The following CNOT6 variants were observed in gnomAD, a reference collection of about 807,000 sequenced individuals.
The protein encoded by CNOT6 is carbon catabolite repression 4 protein.
Under a neutral mutation model 61.2 loss-of-function variants are expected in CNOT6, and 12 were observed. That is an observed-to-expected ratio of 0.20 (90% CI 0.13 to 0.32). The LOEUF is 0.32. Among genes scored for constraint, CNOT6 ranks in the 10% least tolerant of loss-of-function variants. CNOT6 has a pLI of 1.00. For missense variants in CNOT6, 405 were observed against 663.9 expected (o/e 0.61, Z 4.28); for synonymous variants, 225 against 240.6 (o/e 0.94, Z 0.60).
At chr5:180,530,740 G>A (rs1758317805) in intron 2 of CNOT6, among the ~76,000 whole-genome samples, 1 of 152,330 alleles carries the variant, frequency 6.6e-6, no homozygotes, top group East Asian at 1.9e-4. Flanking sequence ...GTGTCCCTGG[G>A]TAGTTGAGAT....
chr5:180,560,246 A>G (rs1007257743), intron 4 of CNOT6, among the ~76,000 whole-genome samples: 1 of 152,070 alleles, frequency 6.6e-6, no homozygotes, highest in Non-Finnish European at 1.5e-5. Flanking sequence ...TATTGGGCCA[A>G]AATTTTTTAA....
At chr5:180,554,654 G>A (rs1361604238) in intron 4 of CNOT6, among the ~76,000 whole-genome samples, 1 of 152,138 alleles carries the variant, frequency 6.6e-6, no homozygotes, top group Non-Finnish European at 1.5e-5. Context: ...ATAAAGGCCA[G>A]TGAAATGCAA....
intron 1 of CNOT6, among the ~76,000 whole-genome samples, chr5:180,523,850 C>T (rs1224881177): frequency 1.3e-5 from 2 of 152,084 alleles, no homozygotes; most frequent in African/African-American, 4.8e-5. Flanking sequence ...TTTAAATGTT[C>T]CTGGATAGTC....
chr5:180,565,036 C>T (rs1465041681), intron 6 of CNOT6, among the ~76,000 whole-genome samples: 1 of 152,234 alleles, frequency 6.6e-6, no homozygotes, highest in East Asian at 1.9e-4. Context: ...AGAAGTGCTG[C>T]TGGCGTCTGG....
intron 11 of CNOT6, among the ~76,000 whole-genome samples, chr5:180,572,868 T>C (rs1156736706): frequency 6.6e-6 from 1 of 152,196 alleles, no homozygotes; most frequent in African/African-American, 2.4e-5. Flanking sequence ...GCTGCCCTTT[T>C]AAACTACTTT....
At position 180,577,401 on chromosome 5, in the gene CNOT6, A is replaced by T. The variant is rs368772153; in HGVS notation, c.*3201A>T. The T allele has an allele frequency of 4.6e-5, 7 of 152,720 alleles. No homozygotes were observed. The East Asian group carries it at 1.4e-3, about 29-fold the overall frequency. 9.5% of individuals were successfully genotyped at this position (152,720 alleles called of 1,614,324 possible). On this transcript the variant is annotated 3_prime_UTR_variant, in exon 12 of 12. Transcript: ENST00000261951. ...ATTTAAATTTATGGAACTAGTTTCC[A>T]TACTGACTTGTAAGGTTTTGGGGTC...
rs150929175 is a variant in CNOT6 at position 180,553,118 on chromosome 5, G to A, written c.300-268G>A. 5.9e-3 allele frequency among the ~76,000 whole-genome samples: 897 copies of A among 152,138 alleles called. 8 individuals are homozygous for A. Among genetic ancestry groups the A allele is most frequent in the Admixed American group, 0.011 (166 of 15,292 alleles). On this transcript the variant is annotated intron_variant, in intron 3 of 11. Transcript: ENST00000261951. ...AGCAGTTGAGGAATTTTATATGTCT[G>A]TTAAATCTAATACTTTTTAAAAATT...
chr5:180,571,701 G>A (rs1760757511), intron 11 of CNOT6, among the ~76,000 whole-genome samples: 1 of 152,122 alleles, frequency 6.6e-6, no homozygotes, highest in Non-Finnish European at 1.5e-5. Flanking sequence ...TAGTAGCTGG[G>A]ACTACAGGCG....
At chr5:180,504,230 A>C (rs142336397) in intron 1 of CNOT6, among the ~76,000 whole-genome samples, 1 of 152,164 alleles carries the variant, frequency 6.6e-6, no homozygotes, top group African/African-American at 2.4e-5. Flanking sequence ...ATAGCTTTCA[A>C]ATTTTCTGAA....
At chr5:180,571,902 G>C (rs1004217882) in intron 11 of CNOT6, among the ~76,000 whole-genome samples, 1 of 152,024 alleles carries the variant, frequency 6.6e-6, no homozygotes, top group Non-Finnish European at 1.5e-5. Context: ...AAGTCCATGT[G>C]ATCAGTGTCA....
At chr5:180,521,067 G>A (rs77753018) in intron 1 of CNOT6, among the ~76,000 whole-genome samples, 2,684 of 152,076 alleles carry the variant, frequency 0.018, 72 homozygotes, top group African/African-American at 0.06. Context: ...ACGAACTCCC[G>A]AGCTCAGACA....
At chr5:180,495,450 C>G (rs897449925) in intron 1 of CNOT6, 3 of 152,136 alleles carry the variant, frequency 2.0e-5, no homozygotes, top group Non-Finnish European at 4.4e-5. Context: ...TGGAAACTTC[C>G]TTTGATTCTT....
chr5:180,532,683 T>G (rs1230574438), intron 2 of CNOT6, among the ~76,000 whole-genome samples: 4 of 152,154 alleles, frequency 2.6e-5, no homozygotes, highest in African/African-American at 9.7e-5. Context: ...GTTTGTGGAC[T>G]CAGTCCCCAA....
chr5:180,501,773 C>A (rs1255909546), intron 1 of CNOT6, among the ~76,000 whole-genome samples: 2 of 152,128 alleles, frequency 1.3e-5, no homozygotes, highest in Non-Finnish European at 2.9e-5. Context: ...GTTGAAGAGA[C>A]AAGGGCAGAA....
rs143266454 is a variant in CNOT6 at position 180,549,636 on chromosome 5, G to A, written c.113-295G>A. ...TGCACTCCAGCCTGGGCAACAGAGC[G>A]AGACTCCGTTTCAAAAAAAAAAAGG... On this transcript the variant is annotated intron_variant, in intron 2 of 11. Coordinates refer to ENST00000261951, the MANE Select transcript of CNOT6 (RefSeq NM_001370472.1). Among the ~76,000 whole-genome samples the A allele has an allele frequency of 3.4e-3, 516 of 151,664 alleles. 7 individuals are homozygous for A. Among genetic ancestry groups the A allele is most frequent in the African/African-American group, 0.011 (461 of 41,344 alleles).
At chr5:180,504,877 G>A (rs1757049882) in intron 1 of CNOT6, among the ~76,000 whole-genome samples, 1 of 151,206 alleles carries the variant, frequency 6.6e-6, no homozygotes, top group Non-Finnish European at 1.5e-5. Flanking sequence ...ATTTTTTAAA[G>A]TTCTCAGTTC....
intron 1 of CNOT6, among the ~76,000 whole-genome samples, chr5:180,522,918 G>A (rs1036197384): frequency 6.6e-5 from 10 of 152,184 alleles, no homozygotes; most frequent in African/African-American, 2.4e-4. Context: ...CGCATTCTGT[G>A]AGCCGTTCTA....
chr5:180,514,555 G>T (rs536185203), intron 1 of CNOT6, among the ~76,000 whole-genome samples: 2 of 152,198 alleles, frequency 1.3e-5, no homozygotes, highest in South Asian at 2.1e-4. Context: ...ATTAGAAGAG[G>T]CCATTGTAAT....
intron 1 of CNOT6, among the ~76,000 whole-genome samples, chr5:180,516,720 A>G (rs1226645927): frequency 1.3e-5 from 2 of 152,156 alleles, no homozygotes; most frequent in African/African-American, 4.8e-5. Flanking sequence ...TTTATTGCTG[A>G]TTTGTGGATC....
Sources: allele counts gnomAD v4.1 joint callset (sites outside exome capture counted in the v4.1 genomes callset), GRCh38; gene constraint gnomAD v4.1.1; transcripts MANE v1.5; gene names NCBI Gene and HGNC (gene_info 2026-07-23, HGNC 2026-07-21).